Variants in NREP observed in about 807,000 individuals in gnomAD.
NREP encodes the protein neuronal regeneration related protein, also known as neuronal regeneration-related protein.
In NREP, 5 loss-of-function variants were observed where a neutral mutation model predicts 8.6. The observed-to-expected ratio is 0.58, with a 90% CI of 0.30 to 1.22. The LOEUF (loss-of-function observed/expected upper bound fraction) is 1.22. Ranked by LOEUF, NREP falls within the 50% of genes most tolerant of loss-of-function variation. The probability of loss-of-function intolerance (pLI) is 0.07; values close to 1 mark genes in which losing one functional copy is unlikely to be tolerated. For missense variants in NREP, 86 were observed against 82.5 expected, an observed-to-expected ratio of 1.04 and a Z score of -0.17; for synonymous variants, 27 against 28.0, an observed-to-expected ratio of 0.96 and a Z score of 0.11.
chr5:111,906,659 G>A (rs1223127536), intron 2 of NREP, among the ~76,000 whole-genome samples: 1 of 152,024 alleles, frequency 6.6e-6, no homozygotes, highest in Non-Finnish European at 1.5e-5. Flanking sequence ...TTTTCCGGGT[G>A]CCTTTAGCAT....
intron 2 of NREP, among the ~76,000 whole-genome samples, chr5:111,958,919 C>A (rs926664752): frequency 7.3e-5 from 11 of 151,582 alleles, no homozygotes; most frequent in Admixed American, 6.6e-5. Context: ...CAAGAATGTA[C>A]AAATAAAGTA....
At chr5:111,926,779 AGTGGGG>A (rs969601125) in intron 2 of NREP, among the ~76,000 whole-genome samples, 3 of 151,972 alleles carry the variant, frequency 2.0e-5, no homozygotes, top group African/African-American at 7.2e-5. Flanking sequence ...AGAGGAAGAC[AGTGGGG>A]GCTTCCCCAC....
intron 2 of NREP, among the ~76,000 whole-genome samples, chr5:111,965,128 T>C (rs540480045): frequency 6.6e-6 from 1 of 152,066 alleles, no homozygotes; most frequent in South Asian, 2.1e-4. Context: ...CAGCTCCAGA[T>C]ATTATATACA....
At chr5:111,805,342 A>G (rs894522876) in intron 2 of NREP, among the ~76,000 whole-genome samples, 9 of 152,206 alleles carry the variant, frequency 5.9e-5, no homozygotes, top group Non-Finnish European at 1.2e-4. Context: ...TAAGACTACA[A>G]CAACCCAGAA....
chr5:111,769,439 G>A (rs2112871222), intron 2 of NREP, among the ~76,000 whole-genome samples: 1 of 152,348 alleles, frequency 6.6e-6, no homozygotes, highest in Admixed American at 6.5e-5. Context: ...GGCAAAGAAT[G>A]CCTGGGGGGA....
intron 2 of NREP, among the ~76,000 whole-genome samples, chr5:111,805,805 G>T (rs763348571): frequency 1.3e-5 from 2 of 152,144 alleles, no homozygotes; most frequent in African/African-American, 4.8e-5. Context: ...TTAACAATTG[G>T]TGAATCTAGA....
At chr5:111,782,196 C>T (rs893290946) in intron 2 of NREP, among the ~76,000 whole-genome samples, 2 of 152,130 alleles carry the variant, frequency 1.3e-5, no homozygotes, top group Admixed American at 6.6e-5. Context: ...ACCTGTATCA[C>T]TAAATTCCAC....
At chr5:111,758,332 C>T (rs1162211880), upstream of NREP, 1 of 820,648 alleles carries the variant, frequency 1.2e-6, no homozygotes, top group Non-Finnish European at 1.5e-6. Context: ...CTATACGCTC[C>T]CCCACTGCCT....
At chr5:111,792,221 T>C (rs557990068) in intron 2 of NREP, among the ~76,000 whole-genome samples, 2 of 152,342 alleles carry the variant, frequency 1.3e-5, no homozygotes, top group East Asian at 1.9e-4. Context: ...TAAGCTCTTG[T>C]AGTCTGCATG....
chr5:111,875,275 A>G (rs1443886136), intron 2 of NREP, among the ~76,000 whole-genome samples: 1 of 152,158 alleles, frequency 6.6e-6, no homozygotes, highest in East Asian at 1.9e-4. Context: ...AACATCTTGT[A>G]ATAATAGGCC....
intron 2 of NREP, chr5:111,974,340 A>T (rs993262638): frequency 1.3e-5 from 2 of 152,214 alleles, no homozygotes; most frequent in African/African-American, 4.8e-5. Context: ...ATAGATGTGG[A>T]AACAGGGTAA....
intron 2 of NREP, among the ~76,000 whole-genome samples, chr5:111,797,696 A>G (rs1026820809): frequency 6.6e-6 from 1 of 152,172 alleles, no homozygotes; most frequent in Non-Finnish European, 1.5e-5. Flanking sequence ...CCCGCTAAAC[A>G]AGATAATTGA....
chr5:111,774,215 A>AGGAAGGAAGAAGGGAG (rs144856676), intron 2 of NREP, among the ~76,000 whole-genome samples: 4 of 148,516 alleles, frequency 2.7e-5, no homozygotes, highest in African/African-American at 9.8e-5. Flanking sequence ...GAAGAAAGGA[A>AGGAAGGAAGAAGGGAG]GGAAGGAAGA....
At chr5:111,740,361 G>A (rs370318896) in intron 2 of NREP, among the ~76,000 whole-genome samples, 9 of 151,822 alleles carry the variant, frequency 5.9e-5, no homozygotes, top group Admixed American at 1.3e-4. Flanking sequence ...GTGCTATTTC[G>A]TACTGATTCT....
At chr5:111,776,103 T>G (rs946139391) in intron 2 of NREP, among the ~76,000 whole-genome samples, 1 of 152,192 alleles carries the variant, frequency 6.6e-6, no homozygotes. Context: ...AGGAGCAGTA[T>G]GTACCAGTTG....
At chr5:111,771,815 A>G in intron 2 of NREP, among the ~76,000 whole-genome samples, 1 of 151,978 alleles carries the variant, frequency 6.6e-6, no homozygotes, top group East Asian at 1.9e-4. Flanking sequence ...GCAAGATTTT[A>G]TTGTGCCATC....
At chr5:111,888,956 A>G (rs1397659972) in intron 2 of NREP, among the ~76,000 whole-genome samples, 1 of 152,248 alleles carries the variant, frequency 6.6e-6, no homozygotes, top group Admixed American at 6.5e-5. Flanking sequence ...CCATAAATAT[A>G]TAAAGACAGA....
At chr5:111,816,189 T>C (rs917600704) in intron 2 of NREP, among the ~76,000 whole-genome samples, 7 of 152,154 alleles carry the variant, frequency 4.6e-5, no homozygotes, top group South Asian at 2.1e-4. Flanking sequence ...GAATAAGAGA[T>C]AGAGACTTTT....
intron 2 of NREP, among the ~76,000 whole-genome samples, chr5:111,916,164 G>A (rs572542465): frequency 6.6e-6 from 1 of 152,078 alleles, no homozygotes; most frequent in Admixed American, 6.6e-5. Flanking sequence ...AGTATATAGT[G>A]ATCAATATGA....
Sources: allele counts gnomAD v4.1 joint callset (sites outside exome capture counted in the v4.1 genomes callset), GRCh38; gene constraint gnomAD v4.1.1; transcripts MANE v1.5; gene names NCBI Gene and HGNC (gene_info 2026-07-23, HGNC 2026-07-21).